Variants in AARS1 observed in about 807,000 individuals in gnomAD.
AARS1 encodes alanyl-tRNA synthetase 1, also known as alanine--tRNA ligase, cytoplasmic.
A neutral mutation model predicts 108.9 loss-of-function variants in AARS1; 72 were observed. That is an observed-to-expected ratio of 0.66 (90% confidence interval 0.55 to 0.80). The LOEUF (loss-of-function observed/expected upper bound fraction) is 0.80. Among genes scored for constraint, AARS1 ranks in the 30% least tolerant of loss-of-function variants. The pLI is 0.00. For missense variants in AARS1, 1,193 were observed against 1,233.2 expected (o/e 0.97, Z 0.49); for synonymous variants, 489 against 465.7 (o/e 1.05, Z -0.64).
intron 2 of AARS1, among the ~76,000 whole-genome samples, chr16:70,277,499 G>A (rs1960577702): frequency 6.6e-6 from 1 of 152,068 alleles, no homozygotes; most frequent in Non-Finnish European, 1.5e-5. Context: ...CATCTTTCTG[G>A]AAGAACTTAT....
chr16:70,253,635 C>G lies in AARS1; in HGVS notation c.2607+79G>C, dbSNP rs754945636. ...CGTGGGCCCTTAGGCAACCACTTCG[C>G]TCAGAGCCACAGAGGCCACATGTCA... On this transcript the variant is annotated intron_variant, in intron 19 of 20. Transcript: ENST00000261772. The G allele has an allele frequency of 2.6e-6, 4 of 1,521,950 alleles. No individual in the cohort carries two copies. In the Admixed American group the frequency reaches 5.0e-5, roughly 19 times the overall value. 94.3% of individuals were successfully genotyped at this position (1,521,950 alleles called of 1,614,324 possible).
At chr16:70,279,544 T>C (rs1428615962) in intron 2 of AARS1, among the ~76,000 whole-genome samples, 1 of 150,028 alleles carries the variant, frequency 6.7e-6, no homozygotes, top group Non-Finnish European at 1.5e-5. Context: ...CCTATAATCC[T>C]AGCCACTCGG....
chr16:70,256,216 C>G (rs1166294820), intron 15 of AARS1, among the ~76,000 whole-genome samples: 1 of 152,152 alleles, frequency 6.6e-6, no homozygotes, highest in African/African-American at 2.4e-5. Flanking sequence ...AAAATCTTAC[C>G]ACAACCCCTT....
chr16:70,253,143 G>T, intron 20 of AARS1, 125 bp downstream of exon 20: 1 of 907,958 alleles, frequency 1.1e-6, no homozygotes. Flanking sequence ...CCTGGGTAAG[G>T]GGTACTGGCA....
rs780198710 is a variant in AARS1, at chr16:70,259,132, C to A, written c.1840G>T (p.Ala614Ser). 1.3e-5 allele frequency: 21 copies of A among 1,613,986 alleles called. No homozygotes were observed. The highest frequency in any genetic ancestry group is 1.6e-5 in the Non-Finnish European group (19 of 1,180,036). ...NHTATHILNF[A>S]LRSVLGEADQ... ...GCTTCCCCAAGCACTGAGCGCAGGG[C>A]GAAGTTCAGAATGTGCGTAGCTGTG... Residue 614 changes from alanine to serine, a missense_variant, in exon 14 of 21, where the codon GCC (alanine) becomes TCC (serine). Transcript: ENST00000261772.
intron 13 of AARS1, 25 bp from the exon 14 acceptor site, chr16:70,259,211 G>T: frequency 6.2e-7 from 1 of 1,606,114 alleles, no homozygotes; most frequent in Non-Finnish European, 8.5e-7. Context: ...GGGGCTCATG[G>T]AGAGGTCTGT....
chr16:70,272,632 T>C (rs1960436916), intron 4 of AARS1, among the ~76,000 whole-genome samples: 1 of 134,882 alleles, frequency 7.4e-6, no homozygotes, highest in South Asian at 2.4e-4. Flanking sequence ...TCAATGAAAA[T>C]ACACAAGGAC....
At chr16:70,284,268 T>A (rs1306060132) in intron 1 of AARS1, among the ~76,000 whole-genome samples, 1 of 148,996 alleles carries the variant, frequency 6.7e-6, no homozygotes, top group Non-Finnish European at 1.5e-5. Context: ...ATCGCGCCAC[T>A]GCACTCCAGC....
At chr16:70,263,702 A>G (rs941274099) in intron 11 of AARS1, among the ~76,000 whole-genome samples, 1 of 151,976 alleles carries the variant, frequency 6.6e-6, no homozygotes, top group African/African-American at 2.4e-5. Context: ...TGGCACAAAT[A>G]TGGCTGACTG....
At chr16:70,257,966 C>T in intron 15 of AARS1, 67 bp downstream of exon 15, 1 of 1,580,894 alleles carries the variant, frequency 6.3e-7, no homozygotes. Flanking sequence ...TTGGTCCAGC[C>T]TAAGACCTAC....
In AARS1 at chr16:70,255,800, C is replaced by G; in HGVS notation, c.2214G>C (p.Val738=). Residue 738 remains valine (V), a synonymous_variant, in exon 16 of 21, where the codon GTG becomes GTC. Transcript: ENST00000261772. ...TGGCAATGGCTTCTTCCGTCACGAT[C>G]ACAAAAGCTCCTGCATGACTCGAGT... ...LRNSSHAGAF[V]IVTEEAIAKG... is the part of the protein sequence containing the mutation. 6.2e-7 allele frequency: 1 copy of G among 1,614,186 alleles called. No homozygotes were observed. Among genetic ancestry groups the G allele is most frequent in the South Asian group, 1.1e-5 (1 of 91,072 alleles).
intron 15 of AARS1, 77 bp downstream of exon 15, chr16:70,257,956 T>C (rs901122160): frequency 2.0e-6 from 3 of 1,527,932 alleles, no homozygotes; most frequent in Non-Finnish European, 2.7e-6. Context: ...CAGACAAGAG[T>C]TGGTCCAGCC....
chr16:70,255,173 G>C (rs1022033416), intron 16 of AARS1, among the ~76,000 whole-genome samples: 7 of 151,796 alleles, frequency 4.6e-5, no homozygotes, highest in African/African-American at 7.3e-5. Context: ...GAGACAGGAG[G>C]GGGTAGATGG....
Position 70,252,836 on chromosome 16 carries a change from C to T in AARS1, c.2792G>A (p.Gly931Asp), listed in dbSNP as rs761999856. 2 of 1,614,194 alleles carry T rather than the reference C, an allele frequency of 1.2e-6. No homozygotes were observed. The highest frequency in any genetic ancestry group is 1.7e-6 in the Non-Finnish European group (2 of 1,180,000). ...CTGTGCAGACACATCCTTGCCACCA[C>T]CTTTACCGTCCATCAAGCCTGACAC... ...QQVSGLMDGK[G>D]GGKDVSAQAT... Residue 931 changes from glycine to aspartate, a missense_variant, in exon 21 of 21, where the codon GGT (glycine) becomes GAT (aspartate). Physicochemically the swap from Gly to Asp is moderately conservative, Grantham distance 94. Transcript: ENST00000261772.
chr16:70,286,151 T>C (rs1314657671), intron 1 of AARS1, among the ~76,000 whole-genome samples: 2 of 152,198 alleles, frequency 1.3e-5, no homozygotes, highest in Non-Finnish European at 2.9e-5. Context: ...TTCATTTGTT[T>C]ACCCCCATTT....
intron 8 of AARS1, 42 bp downstream of exon 8, chr16:70,268,229 G>T: frequency 5.1e-6 from 8 of 1,563,540 alleles, no homozygotes; most frequent in Non-Finnish European, 7.1e-6. Context: ...CCTCTTAACG[G>T]ACTGCTTTAG....
intron 13 of AARS1, 100 bp from the exon 14 acceptor site, chr16:70,259,286 A>G: frequency 8.2e-7 from 1 of 1,224,860 alleles, no homozygotes; most frequent in Non-Finnish European, 1.2e-6. Context: ...AGTTGGAAAT[A>G]TGGCTGTGCA....
chr16:70,254,262 C>A (rs1959923304), intron 17 of AARS1: 1 of 635,780 alleles, frequency 1.6e-6, no homozygotes, highest in Non-Finnish European at 2.8e-6. Flanking sequence ...AGGCCCGGTC[C>A]TTACCAGGCT....
rs574019434 is a variant in AARS1, at chr16:70,257,958, G to A, written c.2177+75C>T. 4.1e-5 allele frequency: 63 copies of A among 1,524,190 alleles called. No individual in the cohort carries two copies. In the South Asian group the frequency reaches 5.8e-4, roughly 14 times the overall value. 94.4% of individuals were successfully genotyped at this position (1,524,190 alleles called of 1,614,324 possible). A position where few individuals can be genotyped will look rare whatever the true frequency, so the allele number is the denominator to read the frequency against. The stretch of plus-strand genomic sequence containing the variant: ...CTTCAACCTTAGACAGACAAGAGTT[G>A]GTCCAGCCTAAGACCTACATCCTCA... On this transcript the variant is annotated intron_variant, in intron 15 of 20. Coordinates refer to ENST00000261772, the MANE Select transcript of AARS1 (RefSeq NM_001605.3).
Sources: gnomAD v4.1 joint callset for allele counts (sites outside exome capture counted in the v4.1 genomes callset) on GRCh38, gnomAD v4.1.1 for gene constraint, MANE v1.5 for transcripts, NCBI Gene and HGNC (gene_info 2026-07-23, HGNC 2026-07-21) for gene names.